Variants in CRYL1 observed in about 807,000 individuals in gnomAD.
CRYL1 encodes crystallin lambda 1.
A neutral mutation model predicts 36.6 loss-of-function variants in CRYL1; 29 were observed. That is an observed-to-expected ratio of 0.79 (90% CI 0.59 to 1.08). The LOEUF is 1.08. Ranked by LOEUF, CRYL1 falls within the 50% of genes least tolerant of loss-of-function variation. The pLI is 0.00. For synonymous variants in CRYL1, 152 were observed against 151.5 expected, an observed-to-expected ratio of 1.00 and a Z score of -0.02; for missense variants, 411 against 407.9, an observed-to-expected ratio of 1.01 and a Z score of -0.06.
intron 2 of CRYL1, among the ~76,000 whole-genome samples, chr13:20,503,643 G>A (rs145470186): frequency 6.6e-6 from 1 of 152,314 alleles, no homozygotes; most frequent in African/African-American, 2.4e-5. Context: ...GGGGGTGAGA[G>A]GAGCAAAGTC....
At chr13:20,443,586 C>T (rs1198437347) in intron 3 of CRYL1, among the ~76,000 whole-genome samples, 2 of 151,772 alleles carry the variant, frequency 1.3e-5, no homozygotes, top group African/African-American at 2.4e-5. Context: ...AGAGACAGGG[C>T]TTCATCATGT....
chr13:20,464,075 G>A (rs1279031342), intron 3 of CRYL1, among the ~76,000 whole-genome samples: 6 of 152,206 alleles, frequency 3.9e-5, no homozygotes, highest in African/African-American at 1.2e-4. Flanking sequence ...GTGTTAATGT[G>A]TCAATCAGAC....
intron 4 of CRYL1, 79 bp downstream of exon 4, chr13:20,439,514 C>CAAAAAAAAAAAAAAATAAAAA: frequency 3.0e-6 from 1 of 330,902 alleles, no homozygotes; most frequent in Non-Finnish European, 4.6e-6. Flanking sequence ...CCCTCCCCCG[C>CAAAAAAAAAAAAAAATAAAAA]AAAAAAAAAA....
intron 3 of CRYL1, among the ~76,000 whole-genome samples, chr13:20,463,381 G>A (rs1327898569): frequency 7.4e-6 from 1 of 134,322 alleles, no homozygotes; most frequent in Non-Finnish European, 1.6e-5. Context: ...GTAAGATTAA[G>A]ACACATAGTG....
intron 2 of CRYL1, among the ~76,000 whole-genome samples, chr13:20,505,359 CAAAAAA>C (rs61380702): frequency 1.0e-3 from 95 of 91,194 alleles, no homozygotes; most frequent in Admixed American, 1.2e-3. Context: ...TCTATCCCAC[CAAAAAA>C]AAAAAAAAAA....
intron 3 of CRYL1, among the ~76,000 whole-genome samples, chr13:20,464,467 G>C (rs758845409): frequency 1.3e-5 from 2 of 152,128 alleles, no homozygotes; most frequent in Non-Finnish European, 2.9e-5. Flanking sequence ...TTTTCTGATT[G>C]TTAGAAATAT....
rs1056408387 is a variant in CRYL1, at chr13:20,525,213, G to T, written c.41+541C>A. 9.2e-5 allele frequency among the ~76,000 whole-genome samples: 14 copies of T among 152,152 alleles called. No individual in the cohort carries two copies. Among genetic ancestry groups the T allele is most frequent in the Non-Finnish European group, 8.8e-5 (6 of 68,028 alleles). On this transcript the variant is annotated intron_variant, in intron 1 of 7. Coordinates refer to ENST00000298248, the MANE Select transcript of CRYL1 (RefSeq NM_015974.3). This position sits in a 1 kb window ranked among gnomAD's most constrained non-coding sequence, Gnocchi z 4.3. ...CTGCGTGTATGTTCGCCTAACACCT[G>T]CTGCGGCCTCCAGCGACATCGTCGC...
chr13:20,431,774 G>C lies in CRYL1; in HGVS notation c.633+328C>G, dbSNP rs919779410. On this transcript the variant is annotated intron_variant, in intron 5 of 7. Transcript: ENST00000298248. ...ATTATAACACTGAGGGGTAAAAGCT[G>C]CCTCTGTGGGAAAATGCAGTGGGCC... 4 of 1,251,394 alleles carry C rather than the reference G, an allele frequency of 3.2e-6. No homozygotes were observed. In the Admixed American group the frequency reaches 1.0e-4, roughly 33 times the overall value. 77.5% of individuals were successfully genotyped at this position (1,251,394 alleles called of 1,614,324 possible).
intron 1 of CRYL1, among the ~76,000 whole-genome samples, chr13:20,519,932 T>C (rs1225501937): frequency 6.6e-6 from 1 of 152,204 alleles, no homozygotes; most frequent in African/African-American, 2.4e-5. Flanking sequence ...GATGCTATTG[T>C]GGTTATATAG....
intron 1 of CRYL1, among the ~76,000 whole-genome samples, chr13:20,520,691 T>G (rs956486801): frequency 6.6e-6 from 1 of 152,122 alleles, no homozygotes; most frequent in Non-Finnish European, 1.5e-5. Context: ...ACTCAGTCAT[T>G]GCTGATTGGA....
At chr13:20,497,450 AC>A (rs1331282561) in intron 2 of CRYL1, among the ~76,000 whole-genome samples, 21 of 5,842 alleles carry the variant, frequency 3.6e-3, no homozygotes, top group Admixed American at 0.011. Context: ...AACTACACAC[AC>A]CACATATACA....
At chr13:20,504,189 C>G (rs115500213) in intron 2 of CRYL1, among the ~76,000 whole-genome samples, 5 of 152,172 alleles carry the variant, frequency 3.3e-5, no homozygotes, top group African/African-American at 1.2e-4. Context: ...CCACCTGCTA[C>G]GTGGAAATGA....
At chr13:20,436,923 A>ATT (rs1438674587) in intron 4 of CRYL1, among the ~76,000 whole-genome samples, 1 of 61,976 alleles carries the variant, frequency 1.6e-5, no homozygotes, top group Non-Finnish European at 4.6e-5. Flanking sequence ...CTTCTCGGAA[A>ATT]CTGGTTCCTC....
At chr13:20,438,773 A>G (rs1352248908) in intron 4 of CRYL1, among the ~76,000 whole-genome samples, 1 of 152,094 alleles carries the variant, frequency 6.6e-6, no homozygotes, top group East Asian at 1.9e-4. Flanking sequence ...GTACTATTAT[A>G]TTTATCATAG....
At chr13:20,459,779 C>A (rs546339452) in intron 3 of CRYL1, among the ~76,000 whole-genome samples, 2 of 152,064 alleles carry the variant, frequency 1.3e-5, no homozygotes, top group African/African-American at 2.4e-5. Flanking sequence ...ATCTGTACAC[C>A]AAACCCCCAT....
chr13:20,408,314 C>T (rs2031431251), intron 6 of CRYL1, among the ~76,000 whole-genome samples: 1 of 152,100 alleles, frequency 6.6e-6, no homozygotes, highest in Non-Finnish European at 1.5e-5. Context: ...AGCCACCAGG[C>T]ATCTCAGTTT....
Position 20,510,980 on chromosome 13 carries a change from G to A in CRYL1, c.149+1463C>T, listed in dbSNP as rs555550180. Among the ~76,000 whole-genome samples the A allele has an allele frequency of 5.9e-5, 9 of 152,250 alleles. No individual in the cohort carries two copies. In the South Asian group the frequency reaches 1.9e-3, roughly 32 times the overall value. ...AACAGAACATGGCTGGCAGGTAGTT[G>A]GTTCTGAAATGCCAAGTCCCCTTCC... is the stretch of plus-strand genomic sequence containing the variant. On this transcript the variant is annotated intron_variant, in intron 2 of 7. Transcript: ENST00000298248.
At chr13:20,427,237 T>G in intron 5 of CRYL1, 1 of 985,444 alleles carries the variant, frequency 1.0e-6, no homozygotes. Context: ...TGTCAGTAGA[T>G]TGTGGCCAGA....
At chr13:20,441,324 C>G (rs1487018371) in intron 3 of CRYL1, among the ~76,000 whole-genome samples, 1 of 152,164 alleles carries the variant, frequency 6.6e-6, no homozygotes, top group Non-Finnish European at 1.5e-5. Context: ...ATCTGCAGTT[C>G]TAACAAGCAT....
Sources: allele counts gnomAD v4.1 joint callset (sites outside exome capture counted in the v4.1 genomes callset), GRCh38; gene constraint gnomAD v4.1.1; non-coding constraint Gnocchi (gnomAD v3.1); transcripts MANE v1.5; gene names NCBI Gene and HGNC (gene_info 2026-07-23, HGNC 2026-07-21).